Variants in SVEP1 observed in about 807,000 individuals in gnomAD.
SVEP1 encodes sushi, von Willebrand factor type A, EGF and pentraxin domain-containing protein 1.
Under a neutral mutation model 367.3 loss-of-function variants are expected in SVEP1, and 164 were observed. The observed-to-expected ratio is 0.45, with a 90% CI of 0.39 to 0.51. SVEP1 has a LOEUF of 0.51. SVEP1 is among the 20% of genes least tolerant of loss of function. The pLI, the probability that SVEP1 is intolerant of heterozygous loss-of-function variation, is 0.00. For synonymous variants in SVEP1, 1,666 were observed against 1,611.6 expected (o/e 1.03, Z -0.81); for missense variants, 4,117 against 4,425.3 (o/e 0.93, Z 1.98).
At chr9:110,394,484 A>G (rs6477765) in intron 40 of SVEP1, among the ~76,000 whole-genome samples, 129,828 of 152,180 alleles carry the variant, frequency 0.85, 55,731 homozygotes, top group African/African-American at 0.95. Context: ...CACCAGCAAC[A>G]GAACAAAGCT....
chr9:110,427,566 C>T, intron 36 of SVEP1, 25 bp downstream of exon 36: 1 of 1,603,192 alleles, frequency 6.2e-7, no homozygotes, highest in East Asian at 2.2e-5. Flanking sequence ...TCTCAATGAT[C>T]CTTTCCTTCA....
At position 110,408,406 on chromosome 9, in the gene SVEP1, A is replaced by G. The variant is rs745411547; in HGVS notation, c.7194T>C (p.Leu2398=). 2 of 1,613,964 alleles carry G rather than the reference A, an allele frequency of 1.2e-6. No individual in the cohort carries two copies. Among genetic ancestry groups the G allele is most frequent in the Admixed American group, 3.3e-5 (2 of 60,018 alleles). The change falls in exon 38 of 48, where the codon CTT becomes CTC. Residue 2398 remains leucine (L), a synonymous_variant. Coordinates refer to ENST00000374469, the MANE Select transcript of SVEP1 (RefSeq NM_153366.4). ...AATACTTGACAGTACTTCCAAAATGAAGAGCAGAAGAAGGAATGGGGACAC... is the reference window on the plus strand; with the variant it reads ...AATACTTGACAGTACTTCCAAAATGGAGAGCAGAAGAAGGAATGGGGACAC... The part of the protein sequence containing the change: ...SFGVPIPSSA[L]HFGSTVKYSC...
chr9:110,500,357 GA>G (rs1829513712), intron 6 of SVEP1, among the ~76,000 whole-genome samples: 1 of 152,148 alleles, frequency 6.6e-6, no homozygotes, highest in African/African-American at 2.4e-5. Flanking sequence ...TATAAAGTAA[GA>G]AAATTATCCT....
At chr9:110,444,446 C>T (rs1203138302) in intron 26 of SVEP1, among the ~76,000 whole-genome samples, 1 of 152,166 alleles carries the variant, frequency 6.6e-6, no homozygotes. Context: ...TTACAAGCCA[C>T]CAAGTCTATG....
At chr9:110,465,470 T>G (rs959768320) in intron 18 of SVEP1, among the ~76,000 whole-genome samples, 1 of 152,196 alleles carries the variant, frequency 6.6e-6, no homozygotes, top group African/African-American at 2.4e-5. Flanking sequence ...TCGTAAGGAA[T>G]GAAATTCATA....
At chr9:110,538,671 T>G (rs931315805) in intron 3 of SVEP1, among the ~76,000 whole-genome samples, 10 of 152,118 alleles carry the variant, frequency 6.6e-5, no homozygotes, top group Non-Finnish European at 1.5e-4. Context: ...CCTTCAGCCT[T>G]GGCCTCTATC....
At position 110,471,530 on chromosome 9, in the gene SVEP1, C is replaced by T. The variant is rs1296380263; in HGVS notation, c.2832G>A (p.Gln944=). The T allele has an allele frequency of 6.2e-7, 1 of 1,613,908 alleles. No homozygotes were observed. Among genetic ancestry groups the T allele is most frequent in the Admixed American group, 1.7e-5 (1 of 59,998 alleles). ...GTTTATTTGTGATAGTTTCCAATGTCTGAAGGAGTCGTTGCTGATTTTCCC... is the reference window on the plus strand; with the variant it reads ...GTTTATTTGTGATAGTTTCCAATGTTTGAAGGAGTCGTTGCTGATTTTCCC... The part of the protein sequence containing the change: ...LEWENQQRLL[Q]TLETITNKLK... Residue 944 remains glutamine (Q), a synonymous_variant, in exon 16 of 48, where the codon CAG becomes CAA. Transcript: ENST00000374469.
At chr9:110,548,189 TC>T (rs1200332116) in intron 2 of SVEP1, among the ~76,000 whole-genome samples, 1 of 152,168 alleles carries the variant, frequency 6.6e-6, no homozygotes, top group Admixed American at 6.6e-5. Flanking sequence ...CTGAACTTCT[TC>T]CATGTGCTAC....
rs1480813479 is a variant in SVEP1 at position 110,446,018 on chromosome 9, G to T, written c.4282C>A (p.Leu1428Met). Reference sequence around the variant, plus strand: ...TAGATGCCAGAAACTTCAAAATCCAGGTTAAAGCCTGTAGACTGTTCTGCA... The same window carrying T: ...TAGATGCCAGAAACTTCAAAATCCATGTTAAAGCCTGTAGACTGTTCTGCA... ...CETEQSTGFN[L>M]DFEVSGIYGY... The change falls in exon 26 of 48, where the codon CTG becomes ATG. Residue 1428 changes from leucine (L) to methionine (M), a missense_variant. Leu to Met is a conservative substitution (Grantham distance 15, BLOSUM62 2). This residue lies in a region of SVEP1 where 2,174 missense variants were observed against 2,494.3 expected (regional missense o/e 0.87). Transcript: ENST00000374469. 1.2e-6 allele frequency: 2 copies of T among 1,612,650 alleles called. No homozygotes were observed. The highest frequency in any genetic ancestry group is 3.3e-5 in the Admixed American group (2 of 59,772).
chr9:110,415,075 CG>C (rs1211978240), intron 36 of SVEP1, among the ~76,000 whole-genome samples: 3 of 151,896 alleles, frequency 2.0e-5, no homozygotes, highest in African/African-American at 7.3e-5. Context: ...AAACCCCCTA[CG>C]TTTGAGGGTT....
intron 5 of SVEP1, among the ~76,000 whole-genome samples, chr9:110,508,760 C>CAAAAAAAAAAAAAAAAA (rs11316319): frequency 1.3e-5 from 1 of 76,498 alleles, no homozygotes; most frequent in Non-Finnish European, 2.4e-5. Context: ...GACTCCATCT[C>CAAAAAAAAAAAAAAAAA]AAAAAAAAAA....
intron 21 of SVEP1, 62 bp from the exon 22 acceptor site, chr9:110,455,765 T>A (rs1355913377): frequency 7.5e-7 from 1 of 1,328,370 alleles, no homozygotes; most frequent in Admixed American, 2.4e-5. Flanking sequence ...AATAGAACTA[T>A]GATCATTTAA....
At chr9:110,393,867 A>C (rs1827710550) in intron 40 of SVEP1, among the ~76,000 whole-genome samples, 1 of 152,196 alleles carries the variant, frequency 6.6e-6, no homozygotes, top group South Asian at 2.1e-4. Flanking sequence ...AGGAAGCTTG[A>C]ACTGGGTGGA....
At chr9:110,438,029 TTTTG>T (rs1383747660) in intron 27 of SVEP1, among the ~76,000 whole-genome samples, 8 of 152,226 alleles carry the variant, frequency 5.3e-5, no homozygotes, top group South Asian at 2.1e-4. Flanking sequence ...CCAGTTTTTA[TTTTG>T]TTTTAGTGTA....
At position 110,528,131 on chromosome 9, in the gene SVEP1, C is replaced by CGT. The variant is rs35039778; in HGVS notation, c.965-14027_965-14026dup. Among the ~76,000 whole-genome samples, 371 of 65,354 alleles carry CGT rather than the reference C, an allele frequency of 5.7e-3. 12 individuals are homozygous for CGT. Among genetic ancestry groups the CGT allele is most frequent in the Middle Eastern group, 0.026 (2 of 78 alleles). 42.9% of individuals were successfully genotyped at this position (65,354 alleles called of 152,430 possible). ...ATATACATATATACATACATACACACGTGTGTGTGTGTGTGTGTGTGTGTG... is the reference window on the plus strand; with the variant it reads ...ATATACATATATACATACATACACACGTGTGTGTGTGTGTGTGTGTGTGTGTG... On this transcript the variant is annotated intron_variant, in intron 3 of 47. Transcript: ENST00000374469.
chr9:110,423,330 A>G (rs914056673), intron 36 of SVEP1, among the ~76,000 whole-genome samples: 2 of 152,112 alleles, frequency 1.3e-5, no homozygotes. Context: ...ATCTTCAGGA[A>G]GTAGAAACAT....
chr9:110,464,227 A>T lies in SVEP1; in HGVS notation c.3322+1638T>A, dbSNP rs905159041. ...GGCTTGTGAGACTTTTAATTAAAAG[A>T]TCCAAAGCTGGTATTATCCAACAGA... On this transcript the variant is annotated intron_variant, in intron 18 of 47. Coordinates refer to ENST00000374469, the MANE Select transcript of SVEP1 (RefSeq NM_153366.4). Among the ~76,000 whole-genome samples the T allele has an allele frequency of 3.3e-5, 5 of 152,170 alleles. No homozygotes were observed. The South Asian group carries it at 8.3e-4, about 25-fold the overall frequency.
At chr9:110,466,918 T>G (rs1828947643) in intron 17 of SVEP1, among the ~76,000 whole-genome samples, 1 of 152,046 alleles carries the variant, frequency 6.6e-6, no homozygotes, top group African/African-American at 2.4e-5. Context: ...CTTGCTATAA[T>G]TCATAAGGAT....
chr9:110,485,810 C>T (rs1261134968), intron 9 of SVEP1, among the ~76,000 whole-genome samples: 12 of 152,068 alleles, frequency 7.9e-5, no homozygotes, highest in Non-Finnish European at 1.8e-4. Flanking sequence ...GCATTAAGAC[C>T]AAGTATTCCT....
Sources: allele counts gnomAD v4.1 joint callset (sites outside exome capture counted in the v4.1 genomes callset), GRCh38; gene constraint gnomAD v4.1.1; regional missense constraint gnomAD v4.1.1; transcripts MANE v1.5; gene names NCBI Gene and HGNC (gene_info 2026-07-23, HGNC 2026-07-21).